ACTR3C: variants seen among roughly 807,000 people sequenced by gnomAD.
The protein encoded by ACTR3C is actin related protein 3C, also known as actin-related protein 3C.
ACTR3C carries 18 observed loss-of-function variants against 26.3 expected under a neutral mutation model. The observed-to-expected ratio is 0.68, with a 90% CI of 0.47 to 1.01. The LOEUF (loss-of-function observed/expected upper bound fraction) is 1.01. Among genes scored for constraint, ACTR3C ranks in the 50% least tolerant of loss-of-function variants. The pLI, the probability that ACTR3C is intolerant of heterozygous loss-of-function variation, is 0.00. For missense variants in ACTR3C, 184 were observed against 250.7 expected, an observed-to-expected ratio of 0.73 and a Z score of 1.80; for synonymous variants, 55 against 94.5, an observed-to-expected ratio of 0.58 and a Z score of 2.42.
At chr7:150,216,484 A>G in the ACTR3C span, among the ~76,000 whole-genome samples, 27 of 152,270 alleles carry the variant, frequency 1.8e-4, no homozygotes, top group African/African-American at 6.3e-4. Flanking sequence ...CTGGATTCCA[A>G]CTTCAATGAT....
the ACTR3C span, among the ~76,000 whole-genome samples, chr7:150,042,448 G>T: frequency 6.1e-5 from 9 of 147,998 alleles, no homozygotes; most frequent in African/African-American, 2.3e-4. Context: ...TGTGATGAGG[G>T]TGCAAAGAGC....
the ACTR3C span, among the ~76,000 whole-genome samples, chr7:150,199,348 G>C: frequency 4.1e-5 from 5 of 122,410 alleles, no homozygotes; most frequent in African/African-American, 1.8e-4. Flanking sequence ...TGTCCACTCA[G>C]GGTTAAATGG....
At chr7:149,980,796 A>G in the ACTR3C span, among the ~76,000 whole-genome samples, 1 of 152,362 alleles carries the variant, frequency 6.6e-6, no homozygotes, top group East Asian at 1.9e-4. Context: ...CCTTGTGACT[A>G]CTGAATGTTT....
the ACTR3C span, among the ~76,000 whole-genome samples, chr7:149,950,052 C>G: frequency 6.7e-6 from 1 of 148,826 alleles, no homozygotes; most frequent in Non-Finnish European, 1.5e-5. Flanking sequence ...AGGGCCCTGC[C>G]TGGCAGCCGC....
At chr7:150,291,036 G>A (rs1300581736) in intron 3 of ACTR3C, among the ~76,000 whole-genome samples, 1 of 152,092 alleles carries the variant, frequency 6.6e-6, no homozygotes, top group African/African-American at 2.4e-5. Flanking sequence ...TATAACCTTA[G>A]GATTGTATTA....
the ACTR3C span, among the ~76,000 whole-genome samples, chr7:150,094,370 G>A: frequency 6.7e-6 from 1 of 149,504 alleles, no homozygotes; most frequent in Non-Finnish European, 1.5e-5. Context: ...GCCCTCCCTA[G>A]ACATAATAAA....
At chr7:150,131,880 C>T in the ACTR3C span, among the ~76,000 whole-genome samples, 9 of 138,296 alleles carry the variant, frequency 6.5e-5, no homozygotes, top group Non-Finnish European at 1.3e-4. Context: ...AGTCATAAAA[C>T]GCAATGAAGT....
chr7:150,286,701 G>A (rs1407080971), intron 4 of ACTR3C, among the ~76,000 whole-genome samples, 161 bp from the exon 5 acceptor site: 1 of 151,450 alleles, frequency 6.6e-6, no homozygotes. Flanking sequence ...ACATTCCATC[G>A]TCTTTCATGT....
At chr7:150,245,628 G>A (rs536262150), downstream of ACTR3C, 3 of 152,264 alleles carry the variant, frequency 2.0e-5, no homozygotes, top group South Asian at 4.1e-4. Context: ...AAGGAAACAA[G>A]CAGCTATTGG....
chr7:150,029,041 C>A, the ACTR3C span, among the ~76,000 whole-genome samples: 4 of 151,924 alleles, frequency 2.6e-5, no homozygotes, highest in African/African-American at 9.7e-5. Context: ...TCTGGGTAAT[C>A]TCTCAATTCT....
the ACTR3C span, among the ~76,000 whole-genome samples, chr7:150,015,989 T>C: frequency 2.7e-5 from 4 of 148,670 alleles, no homozygotes; most frequent in Non-Finnish European, 4.5e-5. Flanking sequence ...CCTCAGAGTC[T>C]AAGGTGTTGC....
chr7:150,037,574 C>CTCGTGGGGTTGCCTCCCCCTCCTGCGAT, the ACTR3C span, among the ~76,000 whole-genome samples: 1 of 20,122 alleles, frequency 5.0e-5, no homozygotes, highest in African/African-American at 2.8e-4. Context: ...CCTAAGAACC[C>CTCGTGGGGTTGCCTCCCCCTCCTGCGAT]GGGGGGGAAG....
intron 6 of ACTR3C, among the ~76,000 whole-genome samples, chr7:150,280,962 C>T (rs1002175785): frequency 9.9e-5 from 15 of 152,204 alleles, no homozygotes; most frequent in Admixed American, 2.0e-4. Flanking sequence ...CGCCTCAAGG[C>T]GCAGGTGTGG....
intron 5 of ACTR3C, among the ~76,000 whole-genome samples, 177 bp from the exon 6 acceptor site, chr7:150,285,022 G>A (rs549866439): frequency 6.6e-6 from 1 of 152,346 alleles, no homozygotes; most frequent in East Asian, 1.9e-4. Context: ...GTGGGGTGGT[G>A]ATGACACATT....
the ACTR3C span, among the ~76,000 whole-genome samples, chr7:150,227,006 A>T: frequency 6.8e-6 from 1 of 146,354 alleles, no homozygotes; most frequent in African/African-American, 2.7e-5. Context: ...CTTTTATTTA[A>T]ATTAGCACAT....
At chr7:150,110,235 T>C in the ACTR3C span, among the ~76,000 whole-genome samples, 3 of 151,540 alleles carry the variant, frequency 2.0e-5, no homozygotes, top group South Asian at 4.2e-4. Context: ...TTGAAACTGA[T>C]TGCAATTCCC....
chr7:150,010,924 T>C, the ACTR3C span, among the ~76,000 whole-genome samples: 3 of 147,012 alleles, frequency 2.0e-5, no homozygotes, highest in Non-Finnish European at 4.5e-5. Flanking sequence ...CCACTTTCTT[T>C]ATGGGTAAAG....
At chr7:150,132,367 G>T in the ACTR3C span, among the ~76,000 whole-genome samples, 24,673 of 151,996 alleles carry the variant, frequency 0.16, 2,016 homozygotes, top group Admixed American at 0.18. Flanking sequence ...TTCACAAAAG[G>T]TCTGATATCC....
the ACTR3C span, among the ~76,000 whole-genome samples, chr7:150,026,728 A>G: frequency 2.0e-5 from 3 of 152,040 alleles, no homozygotes; most frequent in Non-Finnish European, 4.4e-5. Flanking sequence ...ATTTTGCATG[A>G]CCTCATTAAT....
Sources: allele counts gnomAD v4.1 joint callset (sites outside exome capture counted in the v4.1 genomes callset), GRCh38; gene constraint gnomAD v4.1.1; transcripts MANE v1.5; gene names NCBI Gene and HGNC (gene_info 2026-07-23, HGNC 2026-07-21).